Variants in LRRC7 observed in about 807,000 individuals in gnomAD.
LRRC7 encodes leucine rich repeat containing 7.
In LRRC7, 23 loss-of-function variants were observed where a neutral mutation model predicts 175.7. The observed-to-expected ratio is 0.13, with a 90% CI of 0.09 to 0.19. The LOEUF (loss-of-function observed/expected upper bound fraction) is 0.19. Ranked by LOEUF, LRRC7 falls within the 10% of genes least tolerant of loss-of-function variation. LRRC7 has a pLI of 1.00. For synonymous variants in LRRC7, 685 were observed against 680.9 expected (o/e 1.01, Z -0.09); for missense variants, 1,354 against 1,904.7 (o/e 0.71, Z 5.38).
At chr1:69,882,527 A>G (rs1686723993) in intron 7 of LRRC7, among the ~76,000 whole-genome samples, 1 of 152,194 alleles carries the variant, frequency 6.6e-6, no homozygotes, top group African/African-American at 2.4e-5. Context: ...ACACAAATAT[A>G]AACACTATAT....
chr1:69,751,787 G>A (rs1008371588), intron 2 of LRRC7, among the ~76,000 whole-genome samples: 10 of 152,142 alleles, frequency 6.6e-5, no homozygotes, highest in Admixed American at 6.6e-4. Flanking sequence ...GCTGTTCTTA[G>A]AGGAACTAAT....
chr1:70,004,972 G>A (rs1320335799), intron 11 of LRRC7, among the ~76,000 whole-genome samples: 1 of 151,794 alleles, frequency 6.6e-6, no homozygotes. Context: ...TCTTAACAAG[G>A]GAATATCGCA....
chr1:69,839,081 T>A, intron 7 of LRRC7: 1 of 289,778 alleles, frequency 3.5e-6, no homozygotes, highest in Non-Finnish European at 6.9e-6. Flanking sequence ...GTACAGTGAA[T>A]AATTTTTTAA....
chr1:69,719,666 T>G (rs946304539), intron 2 of LRRC7, among the ~76,000 whole-genome samples: 1 of 151,710 alleles, frequency 6.6e-6, no homozygotes, highest in Non-Finnish European at 1.5e-5. Context: ...ATTGCATTAT[T>G]TCTTTTTCTG....
At chr1:69,967,013 A>C (rs935086934) in intron 8 of LRRC7, among the ~76,000 whole-genome samples, 6 of 152,184 alleles carry the variant, frequency 3.9e-5, no homozygotes, top group Non-Finnish European at 8.8e-5. Flanking sequence ...GGGAAGAAAG[A>C]AAGCCCTACT....
intron 1 of LRRC7, among the ~76,000 whole-genome samples, chr1:69,646,358 G>A (rs1655010480): frequency 6.6e-6 from 1 of 151,870 alleles, no homozygotes; most frequent in Admixed American, 6.6e-5. Context: ...TTGGAATAAG[G>A]CAATAAAATA....
chr1:69,801,947 T>A (rs1447610482), intron 4 of LRRC7, among the ~76,000 whole-genome samples: 1 of 151,462 alleles, frequency 6.6e-6, no homozygotes, highest in Non-Finnish European at 1.5e-5. Flanking sequence ...AATTTTTTTT[T>A]CTAATTTTTG....
At chr1:69,791,806 C>A (rs1675153295) in intron 3 of LRRC7, among the ~76,000 whole-genome samples, 1 of 151,654 alleles carries the variant, frequency 6.6e-6, no homozygotes, top group Non-Finnish European at 1.5e-5. Context: ...AAAGAAGGGG[C>A]AAAATAGAAT....
chr1:69,879,211 T>TAAAAAAAAAAAA (rs1307811457), intron 7 of LRRC7, among the ~76,000 whole-genome samples: 1 of 53,448 alleles, frequency 1.9e-5, no homozygotes, highest in African/African-American at 9.0e-5. Flanking sequence ...TAAAACTGCT[T>TAAAAAAAAAAAA]TAAAAAAAAA....
intron 1 of LRRC7, among the ~76,000 whole-genome samples, chr1:69,673,381 C>T (rs990416608): frequency 3.3e-5 from 5 of 152,172 alleles, no homozygotes; most frequent in African/African-American, 7.2e-5. Flanking sequence ...CAGTTGAACA[C>T]GTAGGCTGCA....
intron 1 of LRRC7, among the ~76,000 whole-genome samples, chr1:69,627,238 G>T (rs2100353087): frequency 1.3e-5 from 2 of 152,174 alleles, no homozygotes; most frequent in East Asian, 3.9e-4. Flanking sequence ...AGCACCTGTT[G>T]TTTCCTGACT....
At chr1:69,803,616 A>T (rs1676775191) in intron 4 of LRRC7, among the ~76,000 whole-genome samples, 1 of 151,458 alleles carries the variant, frequency 6.6e-6, no homozygotes, top group Non-Finnish European at 1.5e-5. Flanking sequence ...AGCTGAATGT[A>T]AGTTCTAATA....
chr1:69,853,491 C>G (rs939193728), intron 7 of LRRC7, among the ~76,000 whole-genome samples: 1 of 151,954 alleles, frequency 6.6e-6, no homozygotes, highest in African/African-American at 2.4e-5. Context: ...GTTGGCCAGG[C>G]TGGTCTCAAA....
In LRRC7 at chr1:69,659,283, C is replaced by G. The variant is rs189315675; in HGVS notation, c.3-19098C>G. 1.9e-3 allele frequency among the ~76,000 whole-genome samples: 288 copies of G among 151,618 alleles called. 2 individuals carry two copies. Among genetic ancestry groups the G allele is most frequent in the Non-Finnish European group, 5.3e-4 (36 of 67,814 alleles). On this transcript the variant is annotated intron_variant, in intron 1 of 26. Coordinates refer to ENST00000651989, the MANE Select transcript of LRRC7 (RefSeq NM_001370785.2). ...AATCTAGAGGGATAAAAAGAGAATT[C>G]CCAACACAGGAGAACAATGAGGATA... is the stretch of plus-strand genomic sequence containing the variant.
At chr1:69,852,163 G>A (rs1032207848) in intron 7 of LRRC7, among the ~76,000 whole-genome samples, 1 of 151,938 alleles carries the variant, frequency 6.6e-6, no homozygotes, top group African/African-American at 2.4e-5. Context: ...ATTTCTCGAT[G>A]GGAGCATTTT....
At chr1:69,603,199 C>T (rs186040878) in intron 1 of LRRC7, among the ~76,000 whole-genome samples, 113 of 152,260 alleles carry the variant, frequency 7.4e-4, no homozygotes, top group Non-Finnish European at 2.9e-4. Flanking sequence ...AGCATGATCT[C>T]ATCCCAAGAT....
intron 1 of LRRC7, among the ~76,000 whole-genome samples, chr1:69,594,416 T>A (rs1646759553): frequency 6.6e-6 from 1 of 152,170 alleles, no homozygotes; most frequent in African/African-American, 2.4e-5. Flanking sequence ...GCATTCCAGA[T>A]ATAAACAATC....
rs74719516 is a variant in LRRC7 at position 69,922,659 on chromosome 1, C to A, written c.648-8848C>A. 8.2e-3 allele frequency among the ~76,000 whole-genome samples: 1,248 copies of A among 152,204 alleles called. 17 individuals are homozygous for A. Among genetic ancestry groups the A allele is most frequent in the African/African-American group, 0.027 (1,142 of 41,546 alleles). On this transcript the variant is annotated intron_variant, in intron 7 of 26. Coordinates refer to ENST00000651989, the MANE Select transcript of LRRC7 (RefSeq NM_001370785.2). Reference sequence around the variant, plus strand: ...AAGAAAGAGCATTGGCAAAAGCTTACAACTTCTAAAACTAATCATCTCAAA... The same window carrying A: ...AAGAAAGAGCATTGGCAAAAGCTTAAAACTTCTAAAACTAATCATCTCAAA...
chr1:69,691,871 G>T (rs1338494908), intron 2 of LRRC7, among the ~76,000 whole-genome samples: 1 of 148,690 alleles, frequency 6.7e-6, no homozygotes, highest in African/African-American at 2.5e-5. Flanking sequence ...GTAGTTGACA[G>T]TACAGTTGGA....
Sources: allele counts gnomAD v4.1 joint callset (sites outside exome capture counted in the v4.1 genomes callset), GRCh38; gene constraint gnomAD v4.1.1; transcripts MANE v1.5; gene names NCBI Gene and HGNC (gene_info 2026-07-23, HGNC 2026-07-21).